Variants in TENM4 observed in about 807,000 individuals in gnomAD.
TENM4 encodes the protein teneurin-4.
TENM4 carries 82 observed loss-of-function variants against 243.3 expected under a neutral mutation model. That is an observed-to-expected ratio of 0.34 (90% confidence interval 0.28 to 0.40). The LOEUF (loss-of-function observed/expected upper bound fraction) is 0.40. Ranked by LOEUF, TENM4 falls within the 10% of genes least tolerant of loss-of-function variation. The pLI, the probability that TENM4 is intolerant of heterozygous loss-of-function variation, is 1.00. For missense variants in TENM4, 3,138 were observed against 3,673.3 expected, an observed-to-expected ratio of 0.85 and a Z score of 3.77; for synonymous variants, 1,412 against 1,456.3, an observed-to-expected ratio of 0.97 and a Z score of 0.69.
At chr11:79,377,954 A>G (rs920529406) in intron 1 of TENM4, among the ~76,000 whole-genome samples, 1 of 152,174 alleles carries the variant, frequency 6.6e-6, no homozygotes, top group Non-Finnish European at 1.5e-5. Context: ...TTTCCCGGTA[A>G]GTGTGTCTTT....
chr11:78,809,406 C>T (rs1017690353), intron 14 of TENM4, among the ~76,000 whole-genome samples: 3 of 152,240 alleles, frequency 2.0e-5, no homozygotes, highest in Non-Finnish European at 4.4e-5. Context: ...GAGGTTCCTG[C>T]TGGGGCTGGG....
At chr11:78,760,963 A>C (rs1008606923) in intron 18 of TENM4, among the ~76,000 whole-genome samples, 1 of 152,204 alleles carries the variant, frequency 6.6e-6, no homozygotes, top group Admixed American at 6.5e-5. Flanking sequence ...GGAATTTTTC[A>C]AAATCCACCT....
chr11:78,909,082 G>T (rs1423040570), intron 6 of TENM4, among the ~76,000 whole-genome samples: 2 of 152,132 alleles, frequency 1.3e-5, no homozygotes, highest in Non-Finnish European at 2.9e-5. Context: ...AATAGTAATG[G>T]CAATAAAAGG....
At chr11:79,307,323 C>G (rs977479566) in intron 1 of TENM4, among the ~76,000 whole-genome samples, 1 of 152,154 alleles carries the variant, frequency 6.6e-6, no homozygotes, top group Admixed American at 6.5e-5. Flanking sequence ...CCAAAGGGTC[C>G]TCTTCTGCTG....
At chr11:78,936,658 C>T (rs1288802373) in intron 6 of TENM4, among the ~76,000 whole-genome samples, 1 of 152,216 alleles carries the variant, frequency 6.6e-6, no homozygotes, top group Non-Finnish European at 1.5e-5. Flanking sequence ...AAGCAATGCT[C>T]AGAGAGGTTA....
At chr11:78,973,760 TTAAATA>T (rs1235672128) in intron 6 of TENM4, among the ~76,000 whole-genome samples, 2 of 151,300 alleles carry the variant, frequency 1.3e-5, no homozygotes, top group Non-Finnish European at 2.9e-5. Flanking sequence ...GTTTTTGCCA[TTAAATA>T]TAATGGCAAA....
chr11:78,740,141 T>A (rs1211148293), intron 19 of TENM4, among the ~76,000 whole-genome samples: 4 of 152,234 alleles, frequency 2.6e-5, no homozygotes, highest in African/African-American at 9.6e-5. Context: ...AGGGAAGAGC[T>A]ACTGACGAGG....
At chr11:78,675,562 C>G (rs7107175) in intron 30 of TENM4, among the ~76,000 whole-genome samples, 1,791 of 152,314 alleles carry the variant, frequency 0.012, 37 homozygotes, top group African/African-American at 0.04. Flanking sequence ...AGACAAGGAG[C>G]TGGCTCAGGG....
rs182709048 is a variant in TENM4 at position 79,205,081 on chromosome 11, G to A, written c.-163+10727C>T. Among the ~76,000 whole-genome samples, 119 of 152,272 alleles carry A rather than the reference G, an allele frequency of 7.8e-4. No homozygotes were observed. In the South Asian group the frequency reaches 8.9e-3, roughly 11 times the overall value. ...GGAAGGAGAGGAATGAGATTGGGGG[G>A]CACACCGTTATCTTCAGTTGTACCT... is the stretch of plus-strand genomic sequence containing the variant. On this transcript the variant is annotated intron_variant, in intron 3 of 33. Transcript: ENST00000278550.
At chr11:78,749,568 C>T (rs550032258) in intron 19 of TENM4, among the ~76,000 whole-genome samples, 1 of 152,218 alleles carries the variant, frequency 6.6e-6, no homozygotes, top group South Asian at 2.1e-4. Context: ...GGGTGGGGAG[C>T]AAATGCTCTT....
Position 78,997,647 on chromosome 11 carries a change from T to C in TENM4, c.493+67091A>G, listed in dbSNP as rs547237179. On this transcript the variant is annotated intron_variant, in intron 6 of 33. Coordinates refer to ENST00000278550, the MANE Select transcript of TENM4 (RefSeq NM_001098816.3). The stretch of plus-strand genomic sequence containing the variant: ...ATCCACAGCTGGAATTTATCCATTG[T>C]TTCTTTCCCCCTGAAGTTTGGCTTT... 5.4e-4 allele frequency among the ~76,000 whole-genome samples: 82 copies of C among 152,302 alleles called. 1 individual carries two copies. In the South Asian group the frequency reaches 0.016, roughly 29 times the overall value.
intron 3 of TENM4, 129 bp from the exon 4 acceptor site, chr11:79,148,935 A>C: frequency 6.2e-6 from 1 of 162,180 alleles, no homozygotes; most frequent in Non-Finnish European, 1.3e-5. Context: ...TAGCAGCAGT[A>C]TGAGCTTTGG....
At chr11:78,841,755 A>G (rs1158057202) in intron 12 of TENM4, among the ~76,000 whole-genome samples, 3 of 151,776 alleles carry the variant, frequency 2.0e-5, no homozygotes, top group Non-Finnish European at 4.4e-5. Context: ...GGTTACTCCC[A>G]TCTGTCTCCT....
intron 18 of TENM4, among the ~76,000 whole-genome samples, chr11:78,770,161 G>A (rs544851008): frequency 9.7e-4 from 148 of 152,234 alleles, no homozygotes; most frequent in Non-Finnish European, 1.5e-3. Flanking sequence ...CCACCTGTGA[G>A]TGGGAGAATC....
intron 2 of TENM4, among the ~76,000 whole-genome samples, chr11:79,275,228 T>G (rs72949014): frequency 0.051 from 7,298 of 142,058 alleles, 241 homozygotes; most frequent in Middle Eastern, 0.11. Flanking sequence ...GTGAGCGGGG[T>G]GTGTGTGTGT....
chr11:78,865,611 T>C (rs1429110728), intron 9 of TENM4, among the ~76,000 whole-genome samples: 1 of 152,084 alleles, frequency 6.6e-6, no homozygotes, highest in African/African-American at 2.4e-5. Context: ...GTGACTGCCA[T>C]CAAGACACAC....
intron 16 of TENM4, among the ~76,000 whole-genome samples, chr11:78,781,490 G>A (rs765163278): frequency 6.6e-5 from 10 of 152,114 alleles, no homozygotes; most frequent in Non-Finnish European, 1.2e-4. Context: ...TGGTCTGCAC[G>A]GTCTTAGCTC....
intron 3 of TENM4, among the ~76,000 whole-genome samples, chr11:79,160,381 G>A (rs931915277): frequency 4.6e-5 from 7 of 152,190 alleles, no homozygotes; most frequent in Non-Finnish European, 8.8e-5. Context: ...GAATGGGCAA[G>A]GCATGCAGTG....
At position 78,934,669 on chromosome 11, in the gene TENM4, A is replaced by G. The variant is rs142309013; in HGVS notation, c.494-31146T>C. On this transcript the variant is annotated intron_variant, in intron 6 of 33. Transcript: ENST00000278550. ...AGGTCAAATTTCATATACTTCAGGGATTCAGCCATTACCTAGAGCAAGCTC... is the reference window on the plus strand; with the variant it reads ...AGGTCAAATTTCATATACTTCAGGGGTTCAGCCATTACCTAGAGCAAGCTC... Among the ~76,000 whole-genome samples, 3 of 152,312 alleles carry G rather than the reference A, an allele frequency of 2.0e-5. No individual in the cohort carries two copies. The East Asian group carries it at 5.8e-4, about 29-fold the overall frequency.
Sources: gnomAD v4.1 joint callset for allele counts (sites outside exome capture counted in the v4.1 genomes callset) on GRCh38, gnomAD v4.1.1 for gene constraint, MANE v1.5 for transcripts, NCBI Gene and HGNC (gene_info 2026-07-23, HGNC 2026-07-21) for gene names.